BABAM2: variants seen among roughly 807,000 people sequenced by gnomAD.
BABAM2 encodes BRISC and BRCA1-A complex member 2.
Under a neutral mutation model 54.7 loss-of-function variants are expected in BABAM2, and 31 were observed. That is an observed-to-expected ratio of 0.57 (90% CI 0.43 to 0.77). The LOEUF is 0.77. Among genes scored for constraint, BABAM2 ranks in the 30% least tolerant of loss-of-function variants. The probability of loss-of-function intolerance (pLI) is 0.00; values close to 1 mark genes in which losing one functional copy is unlikely to be tolerated. For synonymous variants in BABAM2, 167 were observed against 162.9 expected, an observed-to-expected ratio of 1.03 and a Z score of -0.19; for missense variants, 364 against 455.8, an observed-to-expected ratio of 0.80 and a Z score of 1.83.
chr2:28,165,529 C>CTTTTTTT (rs1192641957), intron 7 of BABAM2, among the ~76,000 whole-genome samples: 101 of 72,282 alleles, frequency 1.4e-3, no homozygotes, highest in Non-Finnish European at 1.6e-3. Flanking sequence ...TTTTTCCTTG[C>CTTTTTTT]TTTTTTTTTT....
intron 7 of BABAM2, among the ~76,000 whole-genome samples, chr2:28,214,913 G>A (rs886365305): frequency 5.9e-5 from 9 of 151,830 alleles, no homozygotes; most frequent in Admixed American, 4.6e-4. Flanking sequence ...GCCCCATATT[G>A]CCATGCTTAA....
intron 3 of BABAM2, among the ~76,000 whole-genome samples, chr2:27,960,289 C>CA (rs1180795920): frequency 6.6e-6 from 1 of 152,134 alleles, no homozygotes; most frequent in Non-Finnish European, 1.5e-5. Flanking sequence ...CACAGACTTC[C>CA]AAGCACTATT....
chr2:28,025,084 C>T (rs1331304498), intron 4 of BABAM2, 142 bp from the exon 5 acceptor site: 6 of 649,032 alleles, frequency 9.2e-6, no homozygotes, highest in Non-Finnish European at 1.4e-5. Context: ...AACTTCATCT[C>T]TGGGTATATG....
At chr2:27,895,070 T>C (rs1226558228) in intron 2 of BABAM2, 1 of 160,512 alleles carries the variant, frequency 6.2e-6, no homozygotes, top group African/African-American at 2.4e-5. Flanking sequence ...GTGAATATTA[T>C]AATAGCTAGC....
intron 6 of BABAM2, among the ~76,000 whole-genome samples, chr2:28,058,185 A>G: frequency 6.6e-6 from 1 of 151,842 alleles, no homozygotes; most frequent in East Asian, 1.9e-4. Flanking sequence ...GCATTTTTTT[A>G]GGTGGCAACA....
rs55977836 is a variant in BABAM2, at chr2:28,338,891, T to C, written c.*378T>C. 60,506 of 231,396 alleles carry C rather than the reference T, an allele frequency of 0.26. 10,588 individuals are homozygous for C. Among genetic ancestry groups the C allele is most frequent in the East Asian group, 0.56 (4,730 of 8,416 alleles). 14.3% of individuals were successfully genotyped at this position (231,396 alleles called of 1,614,324 possible). A position where few individuals can be genotyped will look rare whatever the true frequency, so the allele number is the denominator to read the frequency against. ...TAAGATTAAATGCCCCTCGCTGTTC[T>C]TCCTCTGAAACTAGTGTCTTCCCTC... On this transcript the variant is annotated 3_prime_UTR_variant, in exon 12 of 12. Coordinates refer to ENST00000379624, the MANE Select transcript of BABAM2 (RefSeq NM_199191.3).
chr2:27,900,994 G>T (rs1313390767), intron 2 of BABAM2, among the ~76,000 whole-genome samples: 3 of 138,862 alleles, frequency 2.2e-5, no homozygotes, highest in South Asian at 2.2e-4. Context: ...AGTGAGCCGA[G>T]ATTGCACCAC....
intron 7 of BABAM2, among the ~76,000 whole-genome samples, chr2:28,203,088 C>T (rs940007566): frequency 6.6e-6 from 1 of 152,190 alleles, no homozygotes; most frequent in African/African-American, 2.4e-5. Context: ...TGAAGTGTCA[C>T]GTTGAGCTAA....
At chr2:28,177,600 A>T (rs1047155252) in intron 7 of BABAM2, among the ~76,000 whole-genome samples, 2 of 152,162 alleles carry the variant, frequency 1.3e-5, no homozygotes, top group Non-Finnish European at 2.9e-5. Flanking sequence ...AATAGCCAGA[A>T]AACGATTGAA....
chr2:28,032,383 G>T (rs1013632196), intron 5 of BABAM2, among the ~76,000 whole-genome samples: 1 of 152,082 alleles, frequency 6.6e-6, no homozygotes, highest in Non-Finnish European at 1.5e-5. Context: ...TCAGTCTTCC[G>T]ACAAGTCTGC....
intron 6 of BABAM2, among the ~76,000 whole-genome samples, chr2:28,072,259 G>A (rs900808903): frequency 7.3e-5 from 11 of 151,700 alleles, no homozygotes; most frequent in African/African-American, 2.7e-4. Context: ...TGCAACCTTC[G>A]CCTCCCGGAT....
At chr2:28,252,791 A>C (rs1321699295) in intron 10 of BABAM2, among the ~76,000 whole-genome samples, 1 of 152,238 alleles carries the variant, frequency 6.6e-6, no homozygotes, top group East Asian at 1.9e-4. Flanking sequence ...GAATCTTTTC[A>C]GTTGTAATTA....
At chr2:28,243,877 A>G (rs765570699) in intron 9 of BABAM2, among the ~76,000 whole-genome samples, 5 of 152,212 alleles carry the variant, frequency 3.3e-5, no homozygotes, top group Non-Finnish European at 7.3e-5. Context: ...GCGGGCATCA[A>G]TATCAGTGGT....
chr2:27,901,201 G>A (rs986523691), intron 2 of BABAM2, among the ~76,000 whole-genome samples: 6 of 152,090 alleles, frequency 3.9e-5, no homozygotes, highest in Non-Finnish European at 8.8e-5. Context: ...TTTGCTCTGT[G>A]TTAATTTGAT....
chr2:28,216,903 T>G (rs1679970572), intron 7 of BABAM2, among the ~76,000 whole-genome samples: 1 of 152,220 alleles, frequency 6.6e-6, no homozygotes, highest in Non-Finnish European at 1.5e-5. Context: ...TTCAAACACT[T>G]CAGCCTCATT....
At chr2:28,037,184 TCATAC>T (rs1296080735) in intron 5 of BABAM2, among the ~76,000 whole-genome samples, 1 of 152,194 alleles carries the variant, frequency 6.6e-6, no homozygotes, top group South Asian at 2.1e-4. Context: ...TCCACCCAAA[TCATAC>T]CACTTTCCTC....
chr2:28,301,861 T>A (rs1688130865), intron 11 of BABAM2, among the ~76,000 whole-genome samples: 1 of 152,220 alleles, frequency 6.6e-6, no homozygotes, highest in Non-Finnish European at 1.5e-5. Flanking sequence ...TTTGCATATA[T>A]ATCTTTTTTT....
At chr2:28,008,265 C>T (rs1191626541) in intron 4 of BABAM2, among the ~76,000 whole-genome samples, 1 of 152,088 alleles carries the variant, frequency 6.6e-6, no homozygotes, top group African/African-American at 2.4e-5. Context: ...CTTTTGCTTA[C>T]ATGACACCAA....
At chr2:28,278,471 A>C (rs912277857) in intron 10 of BABAM2, among the ~76,000 whole-genome samples, 1 of 152,220 alleles carries the variant, frequency 6.6e-6, no homozygotes, top group South Asian at 2.1e-4. Context: ...GAGGAATTGC[A>C]GATTACTGTA....
Sources: allele counts gnomAD v4.1 joint callset (sites outside exome capture counted in the v4.1 genomes callset), GRCh38; gene constraint gnomAD v4.1.1; transcripts MANE v1.5; gene names NCBI Gene and HGNC (gene_info 2026-07-23, HGNC 2026-07-21).